The following SLC5A8 variants were observed in gnomAD, a reference collection of about 807,000 sequenced individuals.
SLC5A8 encodes sodium-coupled monocarboxylate transporter 1.
In SLC5A8, 55 loss-of-function variants were observed where a neutral mutation model predicts 71.9. The ratio of observed to expected loss-of-function variants is 0.77; its 90% confidence interval spans 0.62 to 0.96. The LOEUF is 0.96. SLC5A8 is among the 40% of genes least tolerant of loss of function. The probability of loss-of-function intolerance (pLI) is 0.00; values close to 1 mark genes in which losing one functional copy is unlikely to be tolerated. For synonymous variants in SLC5A8, 307 were observed against 276.1 expected, an observed-to-expected ratio of 1.11 and a Z score of -1.11; for missense variants, 701 against 745.3, an observed-to-expected ratio of 0.94 and a Z score of 0.69.
chr12:101,191,983 A>G (rs566008504), intron 5 of SLC5A8, among the ~76,000 whole-genome samples: 14 of 152,188 alleles, frequency 9.2e-5, no homozygotes, highest in Non-Finnish European at 1.8e-4. Flanking sequence ...GATTGGTTCC[A>G]TACCCTCTCT....
At chr12:101,162,247 C>T (rs1054528892) in intron 12 of SLC5A8, among the ~76,000 whole-genome samples, 170 bp from the exon 13 acceptor site, 2 of 152,184 alleles carry the variant, frequency 1.3e-5, no homozygotes, top group Non-Finnish European at 2.9e-5. Flanking sequence ...GAAAGCAAAA[C>T]TTCACCTTGA....
intron 11 of SLC5A8, 26 bp from the exon 12 acceptor site, chr12:101,166,725 G>C: frequency 6.5e-7 from 1 of 1,548,322 alleles, no homozygotes; most frequent in Non-Finnish European, 8.7e-7. Flanking sequence ...GCCTTTAAAA[G>C]AAAAATAATA....
chr12:101,186,940 T>A (rs1868668283), intron 7 of SLC5A8, among the ~76,000 whole-genome samples: 1 of 152,184 alleles, frequency 6.6e-6, no homozygotes, highest in South Asian at 2.1e-4. Context: ...ACCACATAGT[T>A]GGTACTCAGT....
chr12:101,201,881 AGG>A (rs1869467582), intron 3 of SLC5A8, among the ~76,000 whole-genome samples: 7 of 152,298 alleles, frequency 4.6e-5, no homozygotes, highest in Non-Finnish European at 1.0e-4. Flanking sequence ...CTTTGGCTAC[AGG>A]GAGCTTTAAT....
intron 10 of SLC5A8, among the ~76,000 whole-genome samples, chr12:101,172,214 A>G (rs1242911941): frequency 6.6e-6 from 1 of 151,172 alleles, no homozygotes; most frequent in African/African-American, 2.4e-5. Flanking sequence ...TGGTGGCCCA[A>G]GAGACCCCTA....
At chr12:101,179,931 G>T in intron 10 of SLC5A8, 98 bp downstream of exon 10, 1 of 1,250,366 alleles carries the variant, frequency 8.0e-7, no homozygotes, top group Non-Finnish European at 1.2e-6. Context: ...ATGTCCAGGT[G>T]TCGATATATA....
chr12:101,185,050 T>C (rs142313480), intron 7 of SLC5A8, among the ~76,000 whole-genome samples: 7 of 152,332 alleles, frequency 4.6e-5, no homozygotes, highest in African/African-American at 1.7e-4. Context: ...GTAGATGACA[T>C]GTCCTATTTT....
At chr12:101,209,153 A>G (rs1355897654) in intron 1 of SLC5A8, among the ~76,000 whole-genome samples, 3 of 152,192 alleles carry the variant, frequency 2.0e-5, no homozygotes, top group Non-Finnish European at 4.4e-5. Flanking sequence ...CCTTCCCCAA[A>G]AATCTTTCCC....
intron 9 of SLC5A8, among the ~76,000 whole-genome samples, chr12:101,180,299 T>G (rs933956439): frequency 6.6e-6 from 1 of 152,208 alleles, no homozygotes; most frequent in Non-Finnish European, 1.5e-5. Context: ...AGCCCTTACA[T>G]TGTGTCCCAG....
rs1292750960 is a variant in SLC5A8 at position 101,180,029 on chromosome 12, C to A, written c.1233G>T (p.Gln411His). 3 of 1,613,954 alleles carry A rather than the reference C, an allele frequency of 1.9e-6. No homozygotes were observed. In the South Asian group the frequency reaches 3.3e-5, roughly 18 times the overall value. Residue 411 changes from glutamine to histidine, a missense_variant and splice_region_variant, in exon 10 of 15, where the codon CAG (glutamine) becomes CAT (histidine). Transcript: ENST00000536262. ...TAAACCTCCAGGGGCCAGCTCTCAC[C>A]TGCAACAAAGCTCCCATAAGTGACG... Reference protein sequence around the residue: ...ALASLMGALLQAALSVFGMVG... With the variant: ...ALASLMGALLHAALSVFGMVG...
intron 3 of SLC5A8, among the ~76,000 whole-genome samples, chr12:101,197,117 C>G (rs936786720): frequency 2.0e-5 from 3 of 152,134 alleles, no homozygotes; most frequent in Non-Finnish European, 4.4e-5. Context: ...CTCAGTCACC[C>G]TTGGGGGATA....
Position 101,187,374 on chromosome 12 carries a change from A to G in SLC5A8, c.963+12T>C. ...TTATTAATACACCTGTAAGAAAGACATGGTACTGAACCTGGTCTGGTGCAG... is the reference window on the plus strand; with the variant it reads ...TTATTAATACACCTGTAAGAAAGACGTGGTACTGAACCTGGTCTGGTGCAG... On this transcript the variant is annotated intron_variant, in intron 7 of 14. Coordinates refer to ENST00000536262, the MANE Select transcript of SLC5A8 (RefSeq NM_145913.5). 6.2e-7 allele frequency: 1 copy of G among 1,608,308 alleles called. No individual in the cohort carries two copies. The highest frequency in any genetic ancestry group is 8.5e-7 in the Non-Finnish European group (1 of 1,177,900).
chr12:101,157,165 C>T lies in SLC5A8; in HGVS notation c.*114G>A. On this transcript the variant is annotated 3_prime_UTR_variant, in exon 15 of 15. Transcript: ENST00000536262. ...ACTTTGTTTTAACAAAAACTTATCC[C>T]CCAAACACTCATGATACAACACACA... is the stretch of plus-strand genomic sequence containing the variant. 1 of 1,284,028 alleles carries T rather than the reference C, an allele frequency of 7.8e-7. No homozygotes were observed. The highest frequency in any genetic ancestry group is 1.0e-6 in the Non-Finnish European group (1 of 958,028). 79.5% of individuals were successfully genotyped at this position (1,284,028 alleles called of 1,614,324 possible).
chr12:101,168,566 C>T (rs540358428), intron 10 of SLC5A8, among the ~76,000 whole-genome samples: 49 of 152,298 alleles, frequency 3.2e-4, no homozygotes, highest in Non-Finnish European at 4.7e-4. Flanking sequence ...CCTCTCATAA[C>T]GGTGGACGAG....
chr12:101,207,711 C>T, intron 1 of SLC5A8, among the ~76,000 whole-genome samples: 1 of 152,124 alleles, frequency 6.6e-6, no homozygotes, highest in South Asian at 2.1e-4. Flanking sequence ...CAGATGCCTC[C>T]AGGTTCCATC....
Position 101,182,805 on chromosome 12 carries a change from A to C in SLC5A8, c.1163T>G (p.Met388Arg). 6.4e-7 allele frequency: 1 copy of C among 1,568,620 alleles called. No individual in the cohort carries two copies. The highest frequency in any genetic ancestry group is 8.6e-7 in the Non-Finnish European group (1 of 1,158,644). Reference protein sequence around the residue: ...ERSLSWISQGMSVVYGALCIG... With the variant: ...ERSLSWISQGRSVVYGALCIG... ...GAATTATGAAAACAGAAACTTACTCATTCCTTGGGAAATCCAAGACAGAGA... is the reference window on the plus strand; with the variant it reads ...GAATTATGAAAACAGAAACTTACTCCTTCCTTGGGAAATCCAAGACAGAGA... Residue 388 changes from methionine (M) to arginine (R), a missense_variant and splice_region_variant, in exon 9 of 15, where the codon ATG becomes AGG. By Grantham distance (91) the Met-to-Arg change is moderately conservative. Transcript: ENST00000536262.
chr12:101,189,348 TG>T (rs1868801815), intron 6 of SLC5A8, among the ~76,000 whole-genome samples: 1 of 152,234 alleles, frequency 6.6e-6, no homozygotes, highest in South Asian at 2.1e-4. Flanking sequence ...GATTTTTCAC[TG>T]TGAGTTCTTC....
intron 5 of SLC5A8, 84 bp downstream of exon 5, chr12:101,193,541 A>C: frequency 1.4e-6 from 2 of 1,463,092 alleles, no homozygotes; most frequent in Non-Finnish European, 1.8e-6. Context: ...CTTGTTTTTT[A>C]ATGTAAATCT....
At chr12:101,201,863 A>C (rs1283148151) in intron 3 of SLC5A8, among the ~76,000 whole-genome samples, 2 of 152,218 alleles carry the variant, frequency 1.3e-5, no homozygotes, top group African/African-American at 4.8e-5. Flanking sequence ...GGATGCCGTC[A>C]ATCCTGACTT....
Sources: gnomAD v4.1 joint callset for allele counts (sites outside exome capture counted in the v4.1 genomes callset) on GRCh38, gnomAD v4.1.1 for gene constraint, MANE v1.5 for transcripts, NCBI Gene and HGNC (gene_info 2026-07-23, HGNC 2026-07-21) for gene names.